GBGT1: variants seen among roughly 807,000 people sequenced by gnomAD.
GBGT1 encodes the protein globoside alpha-1,3-N-acetylgalactosaminyltransferase 1 (FORS blood group).
A neutral mutation model predicts 20.9 loss-of-function variants in GBGT1; 18 were observed. The ratio of observed to expected loss-of-function variants is 0.86; its 90% CI spans 0.60 to 1.28. The LOEUF is 1.28. Ranked by LOEUF, GBGT1 falls within the 50% of genes most tolerant of loss-of-function variation. The pLI is 0.00. For synonymous variants in GBGT1, 168 were observed against 180.8 expected (o/e 0.93, Z 0.57); for missense variants, 432 against 455.7 (o/e 0.95, Z 0.47).
chr9:133,154,397 G>A lies in GBGT1; in HGVS notation c.360-136C>T. On this transcript the variant is annotated intron_variant, in intron 6 of 6. Coordinates refer to ENST00000372040, the MANE Select transcript of GBGT1 (RefSeq NM_021996.6). The surrounding 1 kb of genome is among the most constrained non-coding windows in gnomAD (Gnocchi z 4.2). Reference sequence around the variant, plus strand: ...ATGTCACTCTGCTCTGGCCCTCTGGGTCCTCATTTGTCCAATTCCCAAAAT... The same window carrying A: ...ATGTCACTCTGCTCTGGCCCTCTGGATCCTCATTTGTCCAATTCCCAAAAT... 4.0e-6 allele frequency: 2 copies of A among 498,930 alleles called. No individual in the cohort carries two copies. The highest frequency in any genetic ancestry group is 7.0e-6 in the Non-Finnish European group (2 of 283,922). The allele number at this position is 498,930 out of a possible 1,614,324, so 30.9% of individuals were successfully genotyped here.
In GBGT1 at chr9:133,153,315, C is replaced by T. The variant is rs1351510177; in HGVS notation, c.*262G>A. On this transcript the variant is annotated 3_prime_UTR_variant, in exon 7 of 7. Transcript: ENST00000372040. The stretch of plus-strand genomic sequence containing the variant: ...GCCCCGCAAAGGCACGGCTGCAGAA[C>T]GTGGCAAGCCTGCCGGGCCCTGCCT... 1.4e-5 allele frequency: 5 copies of T among 354,438 alleles called. No homozygotes were observed. Among genetic ancestry groups the T allele is most frequent in the African/African-American group, 2.1e-5 (1 of 47,604 alleles). The allele number at this position is 354,438 out of a possible 1,614,324, so 22.0% of individuals were successfully genotyped here. A position where few individuals can be genotyped will look rare whatever the true frequency, so the allele number is the denominator to read the frequency against.
chr9:133,153,015 C>T lies in GBGT1; in HGVS notation c.*562G>A, dbSNP rs1235472378. ...CCCTCTTAAGAAGGAGGTGGCTAGT[C>T]CCCTGAGAGTGCGGCTCACTTTGGG... On this transcript the variant is annotated 3_prime_UTR_variant, in exon 7 of 7. Transcript: ENST00000372040. 6.6e-6 allele frequency: 1 copy of T among 152,186 alleles called. No homozygotes were observed. Among genetic ancestry groups the T allele is most frequent in the Non-Finnish European group, 1.5e-5 (1 of 68,068 alleles). The allele number at this position is 152,186 out of a possible 1,614,324, so 9.4% of individuals were successfully genotyped here.
In GBGT1 at chr9:133,163,897, G is replaced by C. The variant is rs1833134945; in HGVS notation, c.-264C>G. The C allele has an allele frequency of 6.6e-6, 1 of 152,528 alleles. No homozygotes were observed. Among genetic ancestry groups the C allele is most frequent in the Non-Finnish European group, 1.5e-5 (1 of 68,296 alleles). 9.4% of individuals were successfully genotyped at this position (152,528 alleles called of 1,614,324 possible). On this transcript the variant is annotated 5_prime_UTR_variant, in exon 1 of 7. Coordinates refer to ENST00000372040, the MANE Select transcript of GBGT1 (RefSeq NM_021996.6). ...GGAGCAGGGCAGGCAGCGGGGCCGC[G>C]GGCCAGACAGAAAAGAGGAAGACAG...
rs961244625 is a variant in GBGT1 at position 133,153,330 on chromosome 9, G to C, written c.*247C>G. On this transcript the variant is annotated 3_prime_UTR_variant, in exon 7 of 7. Coordinates refer to ENST00000372040, the MANE Select transcript of GBGT1 (RefSeq NM_021996.6). Reference sequence around the variant, plus strand: ...GGCTGCAGAACGTGGCAAGCCTGCCGGGCCCTGCCTTTGTAACTGCGCCTC... The same window carrying C: ...GGCTGCAGAACGTGGCAAGCCTGCCCGGCCCTGCCTTTGTAACTGCGCCTC... 2.7e-6 allele frequency: 1 copy of C among 370,354 alleles called. No homozygotes were observed. The highest frequency in any genetic ancestry group is 4.0e-5 in the East Asian group (1 of 24,802). 22.9% of individuals were successfully genotyped at this position (370,354 alleles called of 1,614,324 possible). A position where few individuals can be genotyped will look rare whatever the true frequency, so the allele number is the denominator to read the frequency against.
Position 133,153,714 on chromosome 9 carries a change from GGTT to G in GBGT1, c.904_906del (p.Asn302del). The G allele has an allele frequency of 1.2e-6, 2 of 1,613,830 alleles. No homozygotes were observed. Among genetic ancestry groups the G allele is most frequent in the South Asian group, 2.2e-5 (2 of 91,058 alleles). Reference sequence around the variant, plus strand: ...GACGGCTTGTTTGAGATGAAGTGACGGTTCAGGTGGCTTTCCTCCCGCCAGGCA... The same window carrying G: ...GACGGCTTGTTTGAGATGAAGTGACGCAGGTGGCTTTCCTCCCGCCAGGCA... On this transcript the variant is annotated inframe_deletion, in exon 7 of 7. Transcript: ENST00000372040.
intron 2 of GBGT1, 119 bp from the exon 3 acceptor site, chr9:133,161,651 C>T (rs901359207): frequency 3.1e-6 from 2 of 646,610 alleles, no homozygotes; most frequent in South Asian, 4.2e-5. Context: ...AGGCCAGGTC[C>T]CCTGTCATTC....
Position 133,154,209 on chromosome 9 carries a change from G to A in GBGT1, c.412C>T (p.Arg138Cys), listed in dbSNP as rs1832802369. 1 of 1,553,788 alleles carries A rather than the reference G, an allele frequency of 6.4e-7. No homozygotes were observed. Reference protein sequence around the residue: ...FLESAEEFFMRGYRVHYYIFT... With the variant: ...FLESAEEFFMCGYRVHYYIFT... ...ATGTAGTAGTGCACCCGGTACCCAC[G>A]CATGAAGAACTCCTCGGCTGACTCC... Residue 138 changes from arginine to cysteine, a missense_variant, in exon 7 of 7, where the codon CGT becomes TGT. Coordinates refer to ENST00000372040, the MANE Select transcript of GBGT1 (RefSeq NM_021996.6). This position sits in a 1 kb window ranked among gnomAD's most constrained non-coding sequence, Gnocchi z 4.2.
In GBGT1 at chr9:133,154,925, C is replaced by T. The variant is rs1158416426; in HGVS notation, c.359+253G>A. The T allele has an allele frequency of 1.4e-5, 6 of 441,628 alleles. No individual in the cohort carries two copies. Among genetic ancestry groups the T allele is most frequent in the Non-Finnish European group, 2.4e-5 (6 of 248,458 alleles). The allele number at this position is 441,628 out of a possible 1,614,324, so 27.4% of individuals were successfully genotyped here. On this transcript the variant is annotated intron_variant, in intron 6 of 6. Coordinates refer to ENST00000372040, the MANE Select transcript of GBGT1 (RefSeq NM_021996.6). The surrounding 1 kb of genome is among the most constrained non-coding windows in gnomAD (Gnocchi z 4.2). Reference sequence around the variant, plus strand: ...GAAACAGGGAGGGGCAAGGGGGCCTCCTGACAAAGGCTCCTGCTGTCCCCT... The same window carrying T: ...GAAACAGGGAGGGGCAAGGGGGCCTTCTGACAAAGGCTCCTGCTGTCCCCT...
Position 133,154,077 on chromosome 9 carries a change from G to A in GBGT1, c.544C>T (p.Arg182Cys), listed in dbSNP as rs200869632. The A allele has an allele frequency of 6.2e-6, 10 of 1,613,250 alleles. No homozygotes were observed. Among genetic ancestry groups the A allele is most frequent in the East Asian group, 2.2e-5 (1 of 44,898 alleles). The change falls in exon 7 of 7, where the codon CGC becomes TGC. Residue 182 changes from arginine to cysteine, a missense_variant. Transcript: ENST00000372040. The surrounding 1 kb of genome is among the most constrained non-coding windows in gnomAD (Gnocchi z 4.2). Reference sequence around the variant, plus strand: ...TGCTGGCTGATGGTCTCCATCCGGCGCATGGATGTCTCCTCCCAGTGGGAG... The same window carrying A: ...TGCTGGCTGATGGTCTCCATCCGGCACATGGATGTCTCCTCCCAGTGGGAG... ...GHSHWEETSMRRMETISQHIA... is the reference protein window; with the variant it reads ...GHSHWEETSMCRMETISQHIA...
rs978811376 is a variant in GBGT1 at position 133,161,511 on chromosome 9, C to T, written c.93G>A (p.Leu31=). 2 of 1,610,404 alleles carry T rather than the reference C, an allele frequency of 1.2e-6. No homozygotes were observed. Among genetic ancestry groups the T allele is most frequent in the African/African-American group, 2.7e-5 (2 of 74,754 alleles). ...GATAATAGGGGACATAGGAGACTGG[C>T]AGCCAGTTCTCAAGATACACCCTGT... ...SVLWVYLENW[L]PVSYVPYYLP... Residue 31 remains leucine, a synonymous_variant, in exon 3 of 7, where the codon CTG becomes CTA. Coordinates refer to ENST00000372040, the MANE Select transcript of GBGT1 (RefSeq NM_021996.6).
Sources: allele counts gnomAD v4.1 joint callset, GRCh38; gene constraint gnomAD v4.1.1; non-coding constraint Gnocchi (gnomAD v3.1); transcripts MANE v1.5; gene names NCBI Gene and HGNC (gene_info 2026-07-23, HGNC 2026-07-21).